STT3B: variants seen among roughly 807,000 people sequenced by gnomAD.
STT3B encodes dolichyl-diphosphooligosaccharide--protein glycosyltransferase subunit STT3B.
In STT3B, 29 loss-of-function variants were observed where a neutral mutation model predicts 96.8. That is an observed-to-expected ratio of 0.30 (90% CI 0.22 to 0.41). The LOEUF (loss-of-function observed/expected upper bound fraction) is 0.41. STT3B is among the 10% of genes least tolerant of loss of function. The pLI is 1.00. For missense variants in STT3B, 640 were observed against 1,022.3 expected (o/e 0.63, Z 5.10); for synonymous variants, 367 against 360.0 (o/e 1.02, Z -0.22).
At chr3:31,561,045 A>G (rs1003241313) in intron 1 of STT3B, among the ~76,000 whole-genome samples, 1 of 151,724 alleles carries the variant, frequency 6.6e-6, no homozygotes, top group African/African-American at 2.4e-5. Context: ...AAGGTTTCAT[A>G]TATATTTTTT....
chr3:31,614,710 G>GTGTGTA (rs1699265394), intron 5 of STT3B, among the ~76,000 whole-genome samples: 2 of 87,048 alleles, frequency 2.3e-5, no homozygotes, highest in Non-Finnish European at 5.9e-5. Flanking sequence ...CAGTGGTGAT[G>GTGTGTA]AGTATTAAGT....
intron 5 of STT3B, among the ~76,000 whole-genome samples, chr3:31,609,680 T>C (rs1376369104): frequency 6.6e-6 from 1 of 152,134 alleles, no homozygotes; most frequent in Non-Finnish European, 1.5e-5. Context: ...CTGCAACCTC[T>C]GCCTCCTGGG....
At chr3:31,577,732 A>G (rs1338473840) in intron 2 of STT3B, among the ~76,000 whole-genome samples, 1 of 152,180 alleles carries the variant, frequency 6.6e-6, no homozygotes, top group African/African-American at 2.4e-5. Context: ...AGATGAAGGC[A>G]CAATAGTCGT....
chr3:31,576,466 A>G lies in STT3B; in HGVS notation c.385A>G (p.Arg129Gly). 6.2e-7 allele frequency: 1 copy of G among 1,604,490 alleles called. No homozygotes were observed. Among genetic ancestry groups the G allele is most frequent in the South Asian group, 1.1e-5 (1 of 90,034 alleles). The change falls in exon 2 of 16, where the codon AGA becomes GGA. Residue 129 changes from arginine (R) to glycine (G), a missense_variant. Physicochemically the swap from Arg to Gly is moderately radical, Grantham distance 125 (BLOSUM62 -2). Coordinates refer to ENST00000295770, the MANE Select transcript of STT3B (RefSeq NM_178862.3). ...TGAATTTTTAAATTGGTTTGATGAA[A>G]GAGCATGGTATCCACTAGGAAGAAT... ...FYEFLNWFDE[R>G]AWYPLGRIVG...
chr3:31,540,247 TA>T (rs1697231701), intron 1 of STT3B, among the ~76,000 whole-genome samples: 1 of 152,112 alleles, frequency 6.6e-6, no homozygotes, highest in Non-Finnish European at 1.5e-5. Flanking sequence ...TGGAATTATT[TA>T]AAAAAATTGT....
rs1313409353 is a variant in STT3B, at chr3:31,579,791, C to T, written c.424-18C>T. 2.5e-6 allele frequency: 4 copies of T among 1,577,618 alleles called. No homozygotes were observed. Among genetic ancestry groups the T allele is most frequent in the Non-Finnish European group, 2.6e-6 (3 of 1,160,666 alleles). ...CTCATTTTATATGTAATTAAATTTT[C>T]CATTTTTTTCTTCCTAGGTTTACCC... is the stretch of plus-strand genomic sequence containing the variant. On this transcript the variant is annotated intron_variant, in intron 2 of 15. Coordinates refer to ENST00000295770, the MANE Select transcript of STT3B (RefSeq NM_178862.3).
At chr3:31,540,453 T>C (rs1697237909) in intron 1 of STT3B, among the ~76,000 whole-genome samples, 1 of 152,152 alleles carries the variant, frequency 6.6e-6, no homozygotes, top group South Asian at 2.1e-4. Context: ...TATTTTCTTT[T>C]GGGGTTTTCT....
rs10662891 is a variant in STT3B, at chr3:31,622,023, A to AGTGTG, written c.1328-72_1328-71insGTGGT. On this transcript the variant is annotated intron_variant, in intron 9 of 15. Transcript: ENST00000295770. ...TTATATAATTCCAGGTTGGTTTTAT[A>AGTGTG]GTTTTAAGTATCTAGTTCAGTTTCC... 1,109,899 of 1,114,568 alleles carry AGTGTG rather than the reference A, an allele frequency of 1. 552,644 individuals are homozygous for AGTGTG. The highest frequency in any genetic ancestry group is 1 in the East Asian group (42,304 of 42,308). 69.0% of individuals were successfully genotyped at this position (1,114,568 alleles called of 1,614,324 possible). A position where few individuals can be genotyped will look rare whatever the true frequency, so the allele number is the denominator to read the frequency against.
At chr3:31,559,156 T>G (rs1298913204) in intron 1 of STT3B, among the ~76,000 whole-genome samples, 34 of 135,772 alleles carry the variant, frequency 2.5e-4, no homozygotes, top group African/African-American at 9.3e-4. Context: ...GGTGTGTGTG[T>G]GTGTGTGTGT....
intron 9 of STT3B, among the ~76,000 whole-genome samples, chr3:31,621,595 T>C (rs1445385976): frequency 6.6e-6 from 1 of 152,214 alleles, no homozygotes; most frequent in Non-Finnish European, 1.5e-5. Flanking sequence ...TGGAAATTTG[T>C]TTCAAAAATT....
intron 5 of STT3B, among the ~76,000 whole-genome samples, chr3:31,612,338 G>GAAC (rs1699201599): frequency 1.3e-5 from 2 of 152,182 alleles, no homozygotes; most frequent in African/African-American, 4.8e-5. Flanking sequence ...CTTGGGTCCA[G>GAAC]TTCTCTTAAA....
Position 31,534,941 on chromosome 3 carries a change from A to T in STT3B, c.314+1629A>T, listed in dbSNP as rs1045384961. 2.0e-5 allele frequency among the ~76,000 whole-genome samples: 3 copies of T among 152,314 alleles called. No individual in the cohort carries two copies. In the South Asian group the frequency reaches 6.2e-4, roughly 32 times the overall value. ...ATATTATTAGGTGGTCTTGTTTTGA[A>T]ATACTTAAGCAAGTTAGATAAAAAT... is the stretch of plus-strand genomic sequence containing the variant. On this transcript the variant is annotated intron_variant, in intron 1 of 15. Transcript: ENST00000295770.
rs367626371 is a variant in STT3B, at chr3:31,533,139, C to T, written c.141C>T (p.Gly47=). The change falls in exon 1 of 16, where the codon GGC becomes GGT. Residue 47 remains glycine, a synonymous_variant. Coordinates refer to ENST00000295770, the MANE Select transcript of STT3B (RefSeq NM_178862.3). ...GAQCAHKAAG[G]AAPPKPAPAG... ...AGTGCGCGCACAAGGCGGCGGGCGG[C>T]GCGGCGCCGCCGAAGCCGGCCCCGG... The T allele has an allele frequency of 2.0e-4, 254 of 1,295,966 alleles. No individual in the cohort carries two copies. In the African/African-American group the frequency reaches 3.4e-3, roughly 18 times the overall value. 80.3% of individuals were successfully genotyped at this position (1,295,966 alleles called of 1,614,324 possible).
At chr3:31,558,745 G>A (rs1697785253) in intron 1 of STT3B, among the ~76,000 whole-genome samples, 1 of 151,976 alleles carries the variant, frequency 6.6e-6, no homozygotes, top group Admixed American at 6.5e-5. Context: ...ATAGATGTGT[G>A]TTTTTCCTTG....
intron 2 of STT3B, among the ~76,000 whole-genome samples, chr3:31,578,872 G>GA (rs1264009273): frequency 6.6e-6 from 1 of 152,078 alleles, no homozygotes; most frequent in Non-Finnish European, 1.5e-5. Flanking sequence ...GTATTATGGA[G>GA]AAAAAGCAAG....
chr3:31,628,342 G>T (rs777442896), intron 13 of STT3B, among the ~76,000 whole-genome samples: 3 of 152,116 alleles, frequency 2.0e-5, no homozygotes, highest in African/African-American at 7.2e-5. Context: ...TTCCATGTTA[G>T]AATATGGAGA....
In STT3B at chr3:31,584,650, C is replaced by T. The variant is rs72856018; in HGVS notation, c.711+4554C>T. On this transcript the variant is annotated intron_variant, in intron 3 of 15. Coordinates refer to ENST00000295770, the MANE Select transcript of STT3B (RefSeq NM_178862.3). ...AGGATGGAATGGTAAAACATTCTCA[C>T]CCAGAAACTGGGAGGTTATCTAGTG... Among the ~76,000 whole-genome samples, 400 of 151,914 alleles carry T rather than the reference C, an allele frequency of 2.6e-3. 2 individuals are homozygous for T. The highest frequency in any genetic ancestry group is 9.5e-3 in the African/African-American group (392 of 41,442).
At chr3:31,597,947 C>T (rs758199747) in intron 4 of STT3B, among the ~76,000 whole-genome samples, 7 of 151,216 alleles carry the variant, frequency 4.6e-5, no homozygotes, top group South Asian at 2.1e-4. Flanking sequence ...GCTATTCTCG[C>T]GCCTCAGCCT....
chr3:31,596,965 T>A, intron 4 of STT3B, 102 bp downstream of exon 4: 1 of 862,648 alleles, frequency 1.2e-6, no homozygotes, highest in Non-Finnish European at 1.8e-6. Flanking sequence ...TTGTTTAATG[T>A]AATCTTTCAT....
Sources: allele counts gnomAD v4.1 joint callset (sites outside exome capture counted in the v4.1 genomes callset), GRCh38; gene constraint gnomAD v4.1.1; transcripts MANE v1.5; gene names NCBI Gene and HGNC (gene_info 2026-07-23, HGNC 2026-07-21).